OCRL: variants seen among roughly 807,000 people sequenced by gnomAD.
The protein encoded by OCRL is OCRL inositol polyphosphate-5-phosphatase.
In OCRL, 8 loss-of-function variants were observed where a neutral mutation model predicts 78.9. The ratio of observed to expected loss-of-function variants is 0.10; its 90% CI spans 0.06 to 0.18. The LOEUF is 0.18. Ranked by LOEUF, OCRL falls within the 10% of genes least tolerant of loss-of-function variation. The pLI, the probability that OCRL is intolerant of heterozygous loss-of-function variation, is 1.00. For synonymous variants in OCRL, 240 were observed against 235.4 expected (o/e 1.02, Z -0.18); for missense variants, 454 against 696.7 (o/e 0.65, Z 3.92).
At chrX:129,587,555 G>A (rs759290929) in intron 20 of OCRL, among the ~76,000 whole-genome samples, 6 of 110,620 alleles carry the variant, frequency 5.4e-5, no homozygotes, top group Admixed American at 2.9e-4. Context: ...CACCTCATTC[G>A]CCCCCAAAAG....
chrX:129,589,528 C>T lies in OCRL; in HGVS notation c.2470-317C>T, dbSNP rs1289563010. On this transcript the variant is annotated intron_variant, in intron 22 of 23. Transcript: ENST00000371113. The stretch of plus-strand genomic sequence containing the variant: ...GAAAACCATTCAGCTTGGTAGGTGC[C>T]GTGGCTACATGCCTACGGAAATGGG... 4.5e-5 allele frequency: 15 copies of T among 330,789 alleles called. 1 individual carries two copies. Among genetic ancestry groups the T allele is most frequent in the Middle Eastern group, 9.2e-4 (1 of 1,086 alleles). 27.3% of individuals were successfully genotyped at this position (330,789 alleles called of 1,213,427 possible).
At chrX:129,558,029 G>A in intron 6 of OCRL, 79 bp downstream of exon 6, 1 of 635,923 alleles carries the variant, frequency 1.6e-6, no homozygotes, top group Non-Finnish European at 2.7e-6. Flanking sequence ...ATATGGTGAT[G>A]TAGATTAAAG....
chrX:129,585,308 T>C (rs1260983835), intron 19 of OCRL, among the ~76,000 whole-genome samples: 1 of 112,455 alleles, frequency 8.9e-6, no homozygotes, highest in Admixed American at 9.4e-5. Context: ...GAGACAGCTG[T>C]GCTTCCTAGC....
chrX:129,580,402 G>A (rs1419298043), intron 18 of OCRL, among the ~76,000 whole-genome samples: 1 of 112,178 alleles, frequency 8.9e-6, no homozygotes, highest in South Asian at 3.7e-4. Context: ...TAGGGAGAAT[G>A]GGGCAGGTGG....
At chrX:129,570,294 A>C (rs775540508) in intron 15 of OCRL, among the ~76,000 whole-genome samples, 1 of 112,100 alleles carries the variant, frequency 8.9e-6, no homozygotes, top group African/African-American at 3.2e-5. Context: ...TTTGCATCCG[A>C]GTTCAACCAC....
chrX:129,545,013 A>G lies in OCRL; in HGVS notation c.175A>G (p.Asn59Asp), dbSNP rs747129019. 14 of 1,122,155 alleles carry G rather than the reference A, an allele frequency of 1.2e-5. No homozygotes were observed. Among genetic ancestry groups the G allele is most frequent in the Non-Finnish European group, 1.5e-5 (12 of 815,305 alleles). The allele number at this position is 1,122,155 out of a possible 1,213,427, so 92.5% of individuals were successfully genotyped here. ...EQHVQDIIPI[N>D]SHFRCVQEAE... ...GCATGTTCAAGATATCATTCCTATA[A>G]ATAGCCACTTCAGATGTGTTCAAGG... The change falls in exon 3 of 24, where the codon AAT (asparagine) becomes GAT (aspartate). Residue 59 changes from asparagine (N) to aspartate (D), a missense_variant. Asn to Asp is a conservative substitution (Grantham distance 23). Transcript: ENST00000371113.
chrX:129,542,817 G>A (rs1053573323), intron 2 of OCRL, among the ~76,000 whole-genome samples: 2 of 111,594 alleles, frequency 1.8e-5, no homozygotes, highest in African/African-American at 3.3e-5. Context: ...TCTCTCTGGT[G>A]TCTTTTCTGA....
chrX:129,540,698 C>T (rs763687446), intron 1 of OCRL, 46 bp from the exon 2 acceptor site: 9 of 1,087,064 alleles, frequency 8.3e-6, no homozygotes, highest in Middle Eastern at 3.3e-4. Context: ...GTGCACCACT[C>T]CTCCCCACCG....
intron 12 of OCRL, among the ~76,000 whole-genome samples, chrX:129,564,553 G>A (rs1310940807): frequency 9.0e-6 from 1 of 111,070 alleles, no homozygotes; most frequent in East Asian, 2.8e-4. Flanking sequence ...AAAAAATGAT[G>A]AGCTCATGTC....
chrX:129,584,829 G>A (rs977443997), intron 19 of OCRL, among the ~76,000 whole-genome samples: 3 of 112,025 alleles, frequency 2.7e-5, no homozygotes, highest in Non-Finnish European at 3.8e-5. Context: ...GAATAGAACC[G>A]TGGACCTGAA....
At chrX:129,566,948 G>A (rs1479677525) in intron 13 of OCRL, among the ~76,000 whole-genome samples, 1 of 111,918 alleles carries the variant, frequency 8.9e-6, no homozygotes, top group Non-Finnish European at 1.9e-5. Flanking sequence ...GGTGGTTTCT[G>A]CCCAGCTCCA....
At chrX:129,550,397 A>G (rs1415357669) in intron 4 of OCRL, among the ~76,000 whole-genome samples, 2 of 112,036 alleles carry the variant, frequency 1.8e-5, no homozygotes, top group Non-Finnish European at 3.8e-5. Flanking sequence ...ATGCTTTTTA[A>G]AAACCAAATA....
At chrX:129,570,202 T>C (rs1355559946) in intron 15 of OCRL, among the ~76,000 whole-genome samples, 1 of 112,156 alleles carries the variant, frequency 8.9e-6, no homozygotes, top group Non-Finnish European at 1.9e-5. Context: ...TTGTGGATTT[T>C]TCAGATCTAC....
intron 3 of OCRL, among the ~76,000 whole-genome samples, chrX:129,546,078 T>G (rs897507786): frequency 1.8e-5 from 2 of 112,289 alleles, no homozygotes; most frequent in African/African-American, 6.5e-5. Context: ...AACTTTTTTT[T>G]TAATCACTAA....
chrX:129,576,642 TC>T, intron 18 of OCRL, 90 bp downstream of exon 18: 3 of 690,240 alleles, frequency 4.3e-6, no homozygotes, highest in Non-Finnish European at 2.3e-6. Flanking sequence ...CTTTCTGTCT[TC>T]TTTTGGCCAC....
chrX:129,547,097 C>T (rs985961612), intron 3 of OCRL, among the ~76,000 whole-genome samples: 2 of 111,047 alleles, frequency 1.8e-5, no homozygotes, highest in African/African-American at 6.6e-5. Flanking sequence ...GACGTGGTGG[C>T]AGATACATGT....
At position 129,587,111 on chromosome X, in the gene OCRL, G is replaced by A; in HGVS notation, c.2249G>A (p.Cys750Tyr). The A allele has an allele frequency of 8.7e-7, 1 of 1,155,959 alleles. No individual in the cohort carries two copies. Among genetic ancestry groups the A allele is most frequent in the Non-Finnish European group, 1.2e-6 (1 of 844,554 alleles). ...GTAGATCACCTATTCAAATACGCCT[G>A]TCACCAGGTAAGTGAGAGTAGACCT... ...LLVDHLFKYA[C>Y]HQEDLFQTPG... The change falls in exon 20 of 24, where the codon TGT (cysteine) becomes TAT (tyrosine). Residue 750 changes from cysteine (C) to tyrosine (Y), a missense_variant. Cys to Tyr is a radical substitution (Grantham distance 194). Coordinates refer to ENST00000371113, the MANE Select transcript of OCRL (RefSeq NM_000276.4).
intron 3 of OCRL, among the ~76,000 whole-genome samples, chrX:129,546,573 C>T (rs1016170258): frequency 1.8e-5 from 2 of 112,062 alleles, no homozygotes; most frequent in Non-Finnish European, 3.8e-5. Context: ...AGCTATTTAG[C>T]CTGCCCTATG....
intron 3 of OCRL, among the ~76,000 whole-genome samples, chrX:129,548,111 T>C (rs1935913998): frequency 8.9e-6 from 1 of 111,804 alleles, no homozygotes; most frequent in Non-Finnish European, 1.9e-5. Flanking sequence ...CTGGGAAATT[T>C]TCAGAGAATA....
Sources: allele counts gnomAD v4.1 joint callset (sites outside exome capture counted in the v4.1 genomes callset), GRCh38; gene constraint gnomAD v4.1.1; transcripts MANE v1.5; gene names NCBI Gene and HGNC (gene_info 2026-07-23, HGNC 2026-07-21).